HOOK1: variants seen among roughly 807,000 people sequenced by gnomAD.
HOOK1 encodes the protein hook microtubule tethering protein 1, also known as protein Hook homolog 1.
HOOK1 carries 60 observed loss-of-function variants against 112.8 expected under a neutral mutation model. The observed-to-expected ratio is 0.53, with a 90% CI of 0.43 to 0.66. The LOEUF (loss-of-function observed/expected upper bound fraction) is 0.66, where lower values mean the gene tolerates loss of function less well. HOOK1 is among the 30% of genes least tolerant of loss of function. HOOK1 has a pLI of 0.00. For missense variants in HOOK1, 770 were observed against 856.0 expected (o/e 0.90, Z 1.25); for synonymous variants, 294 against 283.8 (o/e 1.04, Z -0.36).
At chr1:59,823,045 G>A (rs1341091499) in intron 2 of HOOK1, among the ~76,000 whole-genome samples, 2 of 152,212 alleles carry the variant, frequency 1.3e-5, no homozygotes, top group Non-Finnish European at 2.9e-5. Flanking sequence ...GATTGGCCGG[G>A]TGCGGTGGCT....
At chr1:59,821,803 T>G in intron 1 of HOOK1, 55 bp from the exon 2 acceptor site, 1 of 1,206,030 alleles carries the variant, frequency 8.3e-7, no homozygotes, top group Non-Finnish European at 1.1e-6. Flanking sequence ...CATTTTGTAA[T>G]GCTACCTTGT....
chr1:59,843,380 A>AT lies in HOOK1; in HGVS notation c.622-45dup, dbSNP rs548186901. The AT allele has an allele frequency of 4.5e-5, 61 of 1,366,394 alleles. 1 individual carries two copies. Among genetic ancestry groups the AT allele is most frequent in the Non-Finnish European group, 5.8e-5 (58 of 991,566 alleles). The allele number at this position is 1,366,394 out of a possible 1,614,324, so 84.6% of individuals were successfully genotyped here. ...ACTCTAGACTCTAATAAGAATTTTT[A>AT]TTTTTTTGTTTTTTTTCTACTGGTG... On this transcript the variant is annotated intron_variant, in intron 8 of 21. Transcript: ENST00000371208.
chr1:59,841,164 T>C (rs1479573337), intron 8 of HOOK1, among the ~76,000 whole-genome samples: 1 of 152,160 alleles, frequency 6.6e-6, no homozygotes, highest in Non-Finnish European at 1.5e-5. Flanking sequence ...ATGTTACTGT[T>C]ACATTAAAAT....
intron 3 of HOOK1, among the ~76,000 whole-genome samples, chr1:59,831,539 C>G (rs2098393977): frequency 6.6e-6 from 1 of 152,206 alleles, no homozygotes; most frequent in Non-Finnish European, 1.5e-5. Context: ...AACCATTTTA[C>G]ACAAATCTCC....
chr1:59,872,962 T>C lies in HOOK1; in HGVS notation c.2184T>C (p.Asp728=). 1 of 1,467,746 alleles carries C rather than the reference T, an allele frequency of 6.8e-7. No individual in the cohort carries two copies. Among genetic ancestry groups the C allele is most frequent in the Non-Finnish European group, 9.1e-7 (1 of 1,100,538 alleles). The allele number at this position is 1,467,746 out of a possible 1,614,324, so 90.9% of individuals were successfully genotyped here. The change falls in exon 22 of 22, where the codon GAT becomes GAC. Residue 728 remains aspartate (D), a synonymous_variant. Coordinates refer to ENST00000371208, the MANE Select transcript of HOOK1 (RefSeq NM_015888.6). ...LSVKVPATTS[D] is the part of the protein sequence containing the mutation. ...TTAAAGTCCCTGCTACAACATCTGA[T>C]TAAACTGCAAAAAAAACAAAACAAA...
intron 12 of HOOK1, among the ~76,000 whole-genome samples, chr1:59,857,618 A>G (rs1012397482): frequency 1.3e-5 from 2 of 152,224 alleles, no homozygotes; most frequent in African/African-American, 4.8e-5. Context: ...TGAATCAGTT[A>G]CCAGTTTACT....
chr1:59,824,894 G>T lies in HOOK1; in HGVS notation c.149+2951G>T, dbSNP rs74462706. ...AGTTTCCTAGGGCCACTGTACCAAA[G>T]TGCCACAGACCAGGTGGCTTAAAAC... On this transcript the variant is annotated intron_variant, in intron 2 of 21. Coordinates refer to ENST00000371208, the MANE Select transcript of HOOK1 (RefSeq NM_015888.6). Among the ~76,000 whole-genome samples, 786 of 152,328 alleles carry T rather than the reference G, an allele frequency of 5.2e-3. 6 individuals carry two copies. Among genetic ancestry groups the T allele is most frequent in the African/African-American group, 0.018 (752 of 41,560 alleles).
chr1:59,822,608 A>G (rs1426905716), intron 2 of HOOK1, among the ~76,000 whole-genome samples: 2 of 152,214 alleles, frequency 1.3e-5, no homozygotes, highest in Admixed American at 1.3e-4. Context: ...GGTCTGTAAT[A>G]TGAGCTGCAC....
chr1:59,857,850 G>A (rs1355018966), intron 12 of HOOK1, among the ~76,000 whole-genome samples: 1 of 152,150 alleles, frequency 6.6e-6, no homozygotes, highest in Non-Finnish European at 1.5e-5. Context: ...CTGTCCTTGG[G>A]AAATGGTGTT....
intron 10 of HOOK1, 81 bp downstream of exon 10, chr1:59,847,266 A>T (rs2098404570): frequency 1.7e-6 from 2 of 1,178,550 alleles, no homozygotes; most frequent in African/African-American, 3.1e-5. Flanking sequence ...TTAATCAGGG[A>T]TTCATAGGAT....
rs1016245350 is a variant in HOOK1 at position 59,864,089 on chromosome 1, G to A, written c.1627-543G>A. Among the ~76,000 whole-genome samples the A allele has an allele frequency of 2.0e-5, 3 of 151,742 alleles. No homozygotes were observed. The South Asian group carries it at 6.2e-4, about 32-fold the overall frequency. ...AACGACTATTGCAATTTAAAGTACT[G>A]TTTTTTAAAAGAGGAAATTGTATGT... is the stretch of plus-strand genomic sequence containing the variant. On this transcript the variant is annotated intron_variant, in intron 16 of 21. Coordinates refer to ENST00000371208, the MANE Select transcript of HOOK1 (RefSeq NM_015888.6).
At chr1:59,856,640 G>A (rs953262414) in intron 12 of HOOK1, among the ~76,000 whole-genome samples, 12 of 151,660 alleles carry the variant, frequency 7.9e-5, no homozygotes, top group African/African-American at 2.9e-4. Context: ...TGACTTTTTG[G>A]GACTAATTCT....
rs1265371592 is a variant in HOOK1 at position 59,839,140 on chromosome 1, C to T, written c.538-1168C>T. Among the ~76,000 whole-genome samples, 7 of 152,260 alleles carry T rather than the reference C, an allele frequency of 4.6e-5. No individual in the cohort carries two copies. The East Asian group carries it at 1.3e-3, about 29-fold the overall frequency. ...TTGAAGTCAGGTAATGTGATGCCTC[C>T]AGCTTTGTTCTTCTTGCACACAATT... On this transcript the variant is annotated intron_variant, in intron 7 of 21. Coordinates refer to ENST00000371208, the MANE Select transcript of HOOK1 (RefSeq NM_015888.6).
At chr1:59,864,069 C>T (rs1249631558) in intron 16 of HOOK1, among the ~76,000 whole-genome samples, 1 of 151,846 alleles carries the variant, frequency 6.6e-6, no homozygotes, top group Non-Finnish European at 1.5e-5. Context: ...TGCGGAACGA[C>T]TATTGCAATT....
chr1:59,843,413 ATG>A lies in HOOK1; in HGVS notation c.622-15_622-14del. ...GTTTTTTTTCTACTGGTGCTTATGTATGTGTATTTGTTTCTTAGGTGACTACA... is the reference window on the plus strand; with the variant it reads ...GTTTTTTTTCTACTGGTGCTTATGTATGTATTTGTTTCTTAGGTGACTACA... On this transcript the variant is annotated splice_polypyrimidine_tract_variant and intron_variant, in intron 8 of 21. Transcript: ENST00000371208. 1 of 1,562,850 alleles carries A rather than the reference ATG, an allele frequency of 6.4e-7. No individual in the cohort carries two copies. The highest frequency in any genetic ancestry group is 1.2e-5 in the South Asian group (1 of 86,026).
intron 20 of HOOK1, 83 bp downstream of exon 20, chr1:59,868,434 A>G (rs1226619942): frequency 2.4e-6 from 2 of 849,712 alleles, no homozygotes; most frequent in East Asian, 2.6e-5. Context: ...GTCATTAATG[A>G]TCAAGTTTTA....
At chr1:59,822,487 A>G (rs1447801190) in intron 2 of HOOK1, among the ~76,000 whole-genome samples, 1 of 152,224 alleles carries the variant, frequency 6.6e-6, no homozygotes, top group African/African-American at 2.4e-5. Flanking sequence ...AAACTTTAAT[A>G]AAGTGGTTGT....
intron 20 of HOOK1, among the ~76,000 whole-genome samples, chr1:59,870,181 T>C (rs1644033385): frequency 6.6e-6 from 1 of 152,214 alleles, no homozygotes; most frequent in African/African-American, 2.4e-5. Context: ...TACACCATCA[T>C]TGATGTTTGA....
chr1:59,828,997 A>G, intron 3 of HOOK1, 145 bp downstream of exon 3: 1 of 613,548 alleles, frequency 1.6e-6, no homozygotes, highest in Non-Finnish European at 2.8e-6. Flanking sequence ...TCTCTCATGT[A>G]ACTACCATCA....
Sources: gnomAD v4.1 joint callset for allele counts (sites outside exome capture counted in the v4.1 genomes callset) on GRCh38, gnomAD v4.1.1 for gene constraint, MANE v1.5 for transcripts, NCBI Gene and HGNC (gene_info 2026-07-23, HGNC 2026-07-21) for gene names.